NXPH1: variants seen among roughly 807,000 people sequenced by gnomAD.
NXPH1 encodes neurexophilin 1, also known as neurexophilin-1.
A neutral mutation model predicts 23.7 loss-of-function variants in NXPH1; 5 were observed. The observed-to-expected ratio is 0.21, with a 90% CI of 0.11 to 0.44. The LOEUF (loss-of-function observed/expected upper bound fraction) is 0.44, where lower values mean the gene tolerates loss of function less well. Among genes scored for constraint, NXPH1 ranks in the 20% least tolerant of loss-of-function variants. The pLI, the probability that NXPH1 is intolerant of heterozygous loss-of-function variation, is 0.99. For missense variants in NXPH1, 324 were observed against 321.6 expected (o/e 1.01, Z -0.06); for synonymous variants, 144 against 122.2 (o/e 1.18, Z -1.18).
intron 2 of NXPH1, among the ~76,000 whole-genome samples, chr7:8,684,660 C>T (rs566546456): frequency 2.0e-5 from 3 of 152,220 alleles, no homozygotes; most frequent in Admixed American, 1.3e-4. Flanking sequence ...CAATAATAAA[C>T]CGGATATACT....
chr7:8,674,803 TCA>T (rs145170703), intron 2 of NXPH1, among the ~76,000 whole-genome samples: 2,635 of 152,280 alleles, frequency 0.017, 77 homozygotes, highest in African/African-American at 0.06. Context: ...TGGAGGCCTA[TCA>T]CAGAAGGGAT....
chr7:8,511,715 G>C (rs1184112395), intron 2 of NXPH1, among the ~76,000 whole-genome samples: 1 of 152,076 alleles, frequency 6.6e-6, no homozygotes, highest in African/African-American at 2.4e-5. Context: ...GTATACTACA[G>C]CAAATAACAA....
chr7:8,733,625 A>T, intron 2 of NXPH1, among the ~76,000 whole-genome samples: 1 of 152,104 alleles, frequency 6.6e-6, no homozygotes, highest in Non-Finnish European at 1.5e-5. Context: ...CATTTCTCTA[A>T]TGACCAGTGA....
intron 2 of NXPH1, among the ~76,000 whole-genome samples, chr7:8,688,969 TG>T (rs1021525343): frequency 1.1e-4 from 17 of 152,322 alleles, no homozygotes; most frequent in African/African-American, 3.8e-4. Flanking sequence ...CCATGGTCTT[TG>T]TTTTTGATCT....
chr7:8,739,171 TAAAAAAAAAAAAAAAAA>T (rs34593997), intron 2 of NXPH1, among the ~76,000 whole-genome samples: 17 of 54,042 alleles, frequency 3.1e-4, no homozygotes, highest in African/African-American at 7.6e-4. Context: ...ACCAGTGGGG[TAAAAAAAAAAAAAAAAA>T]AAAAAAAAAA....
At position 8,535,612 on chromosome 7, in the gene NXPH1, G is replaced by A. The variant is rs532612239; in HGVS notation, c.54+99845G>A. Among the ~76,000 whole-genome samples the A allele has an allele frequency of 2.4e-3, 358 of 151,876 alleles. 3 individuals carry two copies. The highest frequency in any genetic ancestry group is 8.3e-3 in the African/African-American group (346 of 41,444). ...TCATGGTGGTCAGAGTCTAGTAAGGGAAGAAAGATAGAAAATAAAAAATCC... is the reference window on the plus strand; with the variant it reads ...TCATGGTGGTCAGAGTCTAGTAAGGAAAGAAAGATAGAAAATAAAAAATCC... On this transcript the variant is annotated intron_variant, in intron 2 of 2. Transcript: ENST00000405863.
chr7:8,600,221 G>A lies in NXPH1; in HGVS notation c.55-150787G>A, dbSNP rs149780256. Among the ~76,000 whole-genome samples, 126 of 152,182 alleles carry A rather than the reference G, an allele frequency of 8.3e-4. 2 individuals carry two copies. The highest frequency in any genetic ancestry group is 3.0e-3 in the African/African-American group (123 of 41,508). ...GTAGGCAAAGGCCTACTTTCTTACT[G>A]TGTTGACTTTTTAACCGAATCCTTG... On this transcript the variant is annotated intron_variant, in intron 2 of 2. Coordinates refer to ENST00000405863, the MANE Select transcript of NXPH1 (RefSeq NM_152745.3).
intron 2 of NXPH1, among the ~76,000 whole-genome samples, chr7:8,505,834 T>A (rs1341950867): frequency 2.0e-5 from 3 of 152,122 alleles, no homozygotes; most frequent in Non-Finnish European, 2.9e-5. Flanking sequence ...CAGGTGTTTC[T>A]GTGTTCTAAA....
intron 2 of NXPH1, among the ~76,000 whole-genome samples, chr7:8,455,229 G>A (rs1816575027): frequency 1.3e-5 from 2 of 152,106 alleles, no homozygotes; most frequent in Admixed American, 1.3e-4. Context: ...TTAAAGCTGT[G>A]TTTGCAGAAT....
chr7:8,477,574 C>T (rs1290146673), intron 2 of NXPH1, among the ~76,000 whole-genome samples: 3 of 152,066 alleles, frequency 2.0e-5, no homozygotes, highest in Non-Finnish European at 4.4e-5. Context: ...GCAAATGTGC[C>T]TAATTTTCTC....
intron 2 of NXPH1, among the ~76,000 whole-genome samples, chr7:8,505,445 A>G (rs549836537): frequency 5.3e-5 from 8 of 152,024 alleles, no homozygotes; most frequent in Non-Finnish European, 1.0e-4. Flanking sequence ...ATACCATGAG[A>G]ATACCTATGC....
intron 2 of NXPH1, among the ~76,000 whole-genome samples, chr7:8,720,662 C>T (rs2115206308): frequency 6.6e-6 from 1 of 152,248 alleles, no homozygotes; most frequent in Non-Finnish European, 1.5e-5. Context: ...GAATATAATG[C>T]AAATTAATTA....
chr7:8,674,515 G>T (rs1438767548), intron 2 of NXPH1, among the ~76,000 whole-genome samples: 2 of 152,128 alleles, frequency 1.3e-5, no homozygotes, highest in Admixed American at 6.5e-5. Flanking sequence ...GGGTGCATTC[G>T]TATGGAGAGC....
intron 2 of NXPH1, among the ~76,000 whole-genome samples, chr7:8,655,407 T>A (rs1433952094): frequency 9.6e-5 from 1 of 10,368 alleles, no homozygotes; most frequent in African/African-American, 3.0e-4. Context: ...TCTTTCTCTC[T>A]CTCTCTCTCT....
chr7:8,711,421 G>A (rs1254510555), intron 2 of NXPH1, among the ~76,000 whole-genome samples: 1 of 152,124 alleles, frequency 6.6e-6, no homozygotes, highest in African/African-American at 2.4e-5. Context: ...AGGCAGGCAT[G>A]TAAGTTAAAA....
At chr7:8,579,116 G>C (rs182806528) in intron 2 of NXPH1, among the ~76,000 whole-genome samples, 1 of 152,154 alleles carries the variant, frequency 6.6e-6, no homozygotes, top group Non-Finnish European at 1.5e-5. Context: ...GCAAGGCTGC[G>C]TGTGGCTGAT....
chr7:8,452,814 T>A (rs1262462396), intron 2 of NXPH1, among the ~76,000 whole-genome samples: 7 of 152,126 alleles, frequency 4.6e-5, no homozygotes, highest in African/African-American at 1.7e-4. Flanking sequence ...GAGGTGGTCC[T>A]GGGGATTGAT....
At chr7:8,546,462 C>T (rs1818199049) in intron 2 of NXPH1, among the ~76,000 whole-genome samples, 2 of 151,240 alleles carry the variant, frequency 1.3e-5, no homozygotes, top group African/African-American at 2.4e-5. Flanking sequence ...GATCACACTG[C>T]AATCTATGGA....
At chr7:8,581,304 A>G (rs1818866433) in intron 2 of NXPH1, among the ~76,000 whole-genome samples, 1 of 152,328 alleles carries the variant, frequency 6.6e-6, no homozygotes, top group Non-Finnish European at 1.5e-5. Context: ...TAATTTATAA[A>G]GAAAAGATGT....
Sources: allele counts gnomAD v4.1 joint callset (sites outside exome capture counted in the v4.1 genomes callset), GRCh38; gene constraint gnomAD v4.1.1; transcripts MANE v1.5; gene names NCBI Gene and HGNC (gene_info 2026-07-23, HGNC 2026-07-21).